The following MICU3 variants were observed in gnomAD, a reference collection of about 807,000 sequenced individuals.
MICU3 encodes mitochondrial calcium uptake 3, also known as calcium uptake protein 3, mitochondrial.
In MICU3, 62 loss-of-function variants were observed where a neutral mutation model predicts 66.5. That is an observed-to-expected ratio of 0.93 (90% CI 0.76 to 1.15). The LOEUF (loss-of-function observed/expected upper bound fraction) is 1.15. MICU3 is among the 50% of genes most tolerant of loss of function. The probability of loss-of-function intolerance (pLI) is 0.00; values close to 1 mark genes in which losing one functional copy is unlikely to be tolerated. For synonymous variants in MICU3, 308 were observed against 240.7 expected, an observed-to-expected ratio of 1.28 and a Z score of -2.59; for missense variants, 779 against 664.4, an observed-to-expected ratio of 1.17 and a Z score of -1.90.
intron 7 of MICU3, among the ~76,000 whole-genome samples, chr8:17,088,258 C>G (rs895633217): frequency 2.6e-5 from 4 of 151,876 alleles, no homozygotes; most frequent in Non-Finnish European, 5.9e-5. Context: ...CTTAAAAAAT[C>G]AAAGAGTTCA....
At chr8:17,054,413 A>T (rs1020977726) in intron 1 of MICU3, among the ~76,000 whole-genome samples, 13 of 152,204 alleles carry the variant, frequency 8.5e-5, no homozygotes, top group African/African-American at 2.7e-4. Flanking sequence ...AGGGAGTTTT[A>T]TATTTTGTTT....
intron 11 of MICU3, among the ~76,000 whole-genome samples, chr8:17,106,091 G>C (rs1801713619): frequency 6.6e-6 from 1 of 151,970 alleles, no homozygotes; most frequent in Admixed American, 6.6e-5. Flanking sequence ...TTGCCTATTT[G>C]TTTAGTAACA....
In MICU3 at chr8:17,027,623, G is replaced by A; in HGVS notation, c.344G>A (p.Gly115Glu). ...TEPEDPPRGR[G>E]MLPIPVAAAK... Reference sequence around the variant, plus strand: ...CCCGAGGACCCGCCCCGCGGCCGGGGGATGCTGCCCATCCCAGTGGCGGCT... The same window carrying A: ...CCCGAGGACCCGCCCCGCGGCCGGGAGATGCTGCCCATCCCAGTGGCGGCT... The change falls in exon 1 of 15, where the codon GGG becomes GAG. Residue 115 changes from glycine to glutamate, a missense_variant. By Grantham distance (98) the Gly-to-Glu change is moderately conservative. Transcript: ENST00000318063. 2.3e-6 allele frequency: 3 copies of A among 1,310,362 alleles called. No individual in the cohort carries two copies. Among genetic ancestry groups the A allele is most frequent in the South Asian group, 2.3e-5 (1 of 44,394 alleles). The allele number at this position is 1,310,362 out of a possible 1,614,324, so 81.2% of individuals were successfully genotyped here. A position where few individuals can be genotyped will look rare whatever the true frequency, so the allele number is the denominator to read the frequency against.
chr8:17,073,446 C>T (rs1394164041), intron 3 of MICU3, among the ~76,000 whole-genome samples: 1 of 151,714 alleles, frequency 6.6e-6, no homozygotes, highest in African/African-American at 2.4e-5. Context: ...TCACTGTCTC[C>T]CATCACCCCC....
intron 1 of MICU3, among the ~76,000 whole-genome samples, chr8:17,031,049 G>C (rs1414418627): frequency 6.6e-6 from 1 of 151,906 alleles, no homozygotes; most frequent in Non-Finnish European, 1.5e-5. Context: ...GAATCATGGA[G>C]TCAATCTGCC....
At chr8:17,066,514 A>AATATATATATATATATATATAT in intron 2 of MICU3, among the ~76,000 whole-genome samples, 1 of 85,932 alleles carries the variant, frequency 1.2e-5, no homozygotes, top group African/African-American at 4.7e-5. Context: ...GATTGTTAAT[A>AATATATATATATATATATATAT]ATCTATATAT....
At chr8:17,103,128 A>G (rs1464711078) in intron 9 of MICU3, among the ~76,000 whole-genome samples, 1 of 151,968 alleles carries the variant, frequency 6.6e-6, no homozygotes, top group East Asian at 1.9e-4. Context: ...GTGCAGGGGA[A>G]ATCAGGTGTG....
intron 2 of MICU3, among the ~76,000 whole-genome samples, chr8:17,066,059 A>G (rs1818630026): frequency 6.6e-6 from 1 of 150,464 alleles, no homozygotes; most frequent in Admixed American, 6.6e-5. Flanking sequence ...AAGGTGAAAA[A>G]TTAAGTAGAG....
intron 14 of MICU3, 128 bp downstream of exon 14, chr8:17,118,903 C>A: frequency 3.6e-6 from 2 of 552,548 alleles, no homozygotes; most frequent in Non-Finnish European, 5.9e-6. Flanking sequence ...ATTTTTAAGT[C>A]ATTAGAGTAT....
intron 1 of MICU3, among the ~76,000 whole-genome samples, chr8:17,060,256 A>T (rs567311255): frequency 1.3e-5 from 2 of 151,458 alleles, no homozygotes; most frequent in South Asian, 4.2e-4. Context: ...CTATTCTGGG[A>T]TCAGACCAAT....
intron 1 of MICU3, among the ~76,000 whole-genome samples, chr8:17,039,416 A>G (rs1813644223): frequency 6.6e-6 from 1 of 152,246 alleles, no homozygotes; most frequent in African/African-American, 2.4e-5. Flanking sequence ...GTGGAATAGC[A>G]TTGTTGTATG....
chr8:17,127,815 C>T, the MICU3 span, among the ~76,000 whole-genome samples: 2 of 152,150 alleles, frequency 1.3e-5, no homozygotes, highest in Admixed American at 6.6e-5. Flanking sequence ...ACCCCAAATA[C>T]AATGTACACT....
intron 4 of MICU3, among the ~76,000 whole-genome samples, chr8:17,081,397 G>A (rs1248216221): frequency 1.3e-5 from 2 of 151,846 alleles, no homozygotes; most frequent in Admixed American, 6.6e-5. Flanking sequence ...GTTAAGAGTC[G>A]TACATTAGAA....
intron 12 of MICU3, among the ~76,000 whole-genome samples, chr8:17,114,406 G>C (rs1310742763): frequency 1.3e-5 from 2 of 152,030 alleles, no homozygotes; most frequent in Non-Finnish European, 2.9e-5. Context: ...GTGACATTGA[G>C]GGACTTGTGT....
At chr8:17,097,032 T>A (rs1383042320) in intron 8 of MICU3, among the ~76,000 whole-genome samples, 1 of 150,146 alleles carries the variant, frequency 6.7e-6, no homozygotes, top group Non-Finnish European at 1.5e-5. Context: ...GGATGAGGCA[T>A]GGCTTCACAA....
intron 1 of MICU3, among the ~76,000 whole-genome samples, chr8:17,062,074 G>A (rs944145232): frequency 2.0e-5 from 3 of 152,070 alleles, no homozygotes; most frequent in Admixed American, 6.6e-5. Context: ...ATTAAACTCC[G>A]GGGCTTTAGT....
intron 11 of MICU3, among the ~76,000 whole-genome samples, chr8:17,106,692 G>A (rs550169119): frequency 6.6e-6 from 1 of 151,784 alleles, no homozygotes. Context: ...TTGTAGAAAT[G>A]GAAAAATTTG....
At chr8:17,033,244 G>C (rs746229632) in intron 1 of MICU3, among the ~76,000 whole-genome samples, 1 of 152,210 alleles carries the variant, frequency 6.6e-6, no homozygotes, top group Non-Finnish European at 1.5e-5. Flanking sequence ...CTTGTGGAAA[G>C]AGTTAGCGAA....
intron 12 of MICU3, among the ~76,000 whole-genome samples, chr8:17,114,935 C>T (rs986484183): frequency 2.0e-5 from 3 of 151,658 alleles, no homozygotes; most frequent in African/African-American, 4.8e-5. Flanking sequence ...CCGGCTAAAA[C>T]GGTGAAACCC....
Sources: gnomAD v4.1 joint callset for allele counts (sites outside exome capture counted in the v4.1 genomes callset) on GRCh38, gnomAD v4.1.1 for gene constraint, MANE v1.5 for transcripts, NCBI Gene and HGNC (gene_info 2026-07-23, HGNC 2026-07-21) for gene names.